The following FRAS1 variants were observed in gnomAD, a reference collection of about 807,000 sequenced individuals.
The protein encoded by FRAS1 is Fraser extracellular matrix complex subunit 1.
FRAS1 carries 290 observed loss-of-function variants against 435.2 expected under a neutral mutation model. The ratio of observed to expected loss-of-function variants is 0.67; its 90% CI spans 0.61 to 0.73. The LOEUF (loss-of-function observed/expected upper bound fraction) is 0.73, where lower values mean the gene tolerates loss of function less well. Among genes scored for constraint, FRAS1 ranks in the 30% least tolerant of loss-of-function variants. FRAS1 has a pLI of 0.00. For synonymous variants in FRAS1, 1,800 were observed against 1,851.0 expected, an observed-to-expected ratio of 0.97 and a Z score of 0.71; for missense variants, 4,860 against 5,001.5, an observed-to-expected ratio of 0.97 and a Z score of 0.85.
intron 20 of FRAS1, among the ~76,000 whole-genome samples, chr4:78,359,183 C>T (rs1730977551): frequency 6.7e-6 from 1 of 149,924 alleles, no homozygotes; most frequent in Non-Finnish European, 1.5e-5. Flanking sequence ...TCACAGCATC[C>T]CCGGGCTTGT....
At chr4:78,167,297 G>A (rs1490247962) in intron 2 of FRAS1, among the ~76,000 whole-genome samples, 1 of 152,094 alleles carries the variant, frequency 6.6e-6, no homozygotes, top group African/African-American at 2.4e-5. Flanking sequence ...ACTTCTGGGA[G>A]CTCACAGTCT....
intron 1 of FRAS1, among the ~76,000 whole-genome samples, chr4:78,062,077 C>T (rs1048790542): frequency 6.6e-6 from 1 of 152,126 alleles, no homozygotes; most frequent in Non-Finnish European, 1.5e-5. Context: ...AGTGTACATC[C>T]TTTAGTAAGG....
chr4:78,345,036 C>T (rs1730554087), intron 20 of FRAS1, among the ~76,000 whole-genome samples: 2 of 151,970 alleles, frequency 1.3e-5, no homozygotes, highest in Admixed American at 6.5e-5. Context: ...AGTCATATTC[C>T]GTTGTGTTTG....
chr4:78,413,582 G>A (rs1733437923), intron 32 of FRAS1, among the ~76,000 whole-genome samples: 1 of 152,198 alleles, frequency 6.6e-6, no homozygotes, highest in Admixed American at 6.5e-5. Context: ...GGACACATTG[G>A]GAGGAATGGA....
intron 1 of FRAS1, among the ~76,000 whole-genome samples, chr4:78,060,103 G>A (rs1299630543): frequency 6.6e-6 from 1 of 152,078 alleles, no homozygotes; most frequent in Non-Finnish European, 1.5e-5. Context: ...CATTTATTGA[G>A]CAGGTATTGT....
chr4:78,500,311 T>C (rs1042658591), intron 61 of FRAS1, among the ~76,000 whole-genome samples: 2 of 152,198 alleles, frequency 1.3e-5, no homozygotes, highest in Non-Finnish European at 2.9e-5. Context: ...ACAATCCCTG[T>C]GTTCAAGTGG....
At chr4:78,189,937 C>A (rs1182701978) in intron 2 of FRAS1, among the ~76,000 whole-genome samples, 2 of 152,176 alleles carry the variant, frequency 1.3e-5, no homozygotes, top group Admixed American at 1.3e-4. Context: ...TAAAGTAGAC[C>A]CTCAAACCTA....
chr4:78,263,537 A>G (rs1046589972), intron 6 of FRAS1, among the ~76,000 whole-genome samples: 12 of 152,150 alleles, frequency 7.9e-5, no homozygotes, highest in Admixed American at 6.5e-5. Context: ...TGATTTTGAC[A>G]TTTGTTTCCT....
At chr4:78,248,577 G>C (rs752974247) in intron 4 of FRAS1, among the ~76,000 whole-genome samples, 2 of 152,172 alleles carry the variant, frequency 1.3e-5, no homozygotes, top group Non-Finnish European at 2.9e-5. Flanking sequence ...TAATTTATGT[G>C]TATGAGGCAA....
At position 78,323,928 on chromosome 4, in the gene FRAS1, T is replaced by C. The variant is rs558803026; in HGVS notation, c.2137+4942T>C. Among the ~76,000 whole-genome samples the C allele has an allele frequency of 2.3e-3, 346 of 152,284 alleles. 1 individual carries two copies. Among genetic ancestry groups the C allele is most frequent in the Non-Finnish European group, 4.3e-3 (290 of 68,020 alleles). On this transcript the variant is annotated intron_variant, in intron 18 of 73. Coordinates refer to ENST00000512123, the MANE Select transcript of FRAS1 (RefSeq NM_025074.7). ...AACAGAATTTCTCATAGGACTCTCC[T>C]GGGAATCTTGTTAAAGATTCAGTCG...
chr4:78,236,300 A>ATTT (rs910484562), intron 2 of FRAS1, among the ~76,000 whole-genome samples: 1 of 145,158 alleles, frequency 6.9e-6, no homozygotes, highest in East Asian at 2.1e-4. Context: ...TTATTTATTT[A>ATTT]TTTATTTATT....
At chr4:78,294,284 C>T (rs552787920) in intron 14 of FRAS1, among the ~76,000 whole-genome samples, 1 of 152,178 alleles carries the variant, frequency 6.6e-6, no homozygotes, top group Non-Finnish European at 1.5e-5. Context: ...TGCGGTCCCG[C>T]CTTTGGCTCT....
intron 2 of FRAS1, among the ~76,000 whole-genome samples, chr4:78,093,967 C>T (rs1006348146): frequency 6.6e-6 from 1 of 152,014 alleles, no homozygotes; most frequent in Non-Finnish European, 1.5e-5. Flanking sequence ...TGAAGCTCAC[C>T]CCCCTCCCCT....
intron 4 of FRAS1, 139 bp from the exon 5 acceptor site, chr4:78,252,253 T>A: frequency 2.6e-6 from 2 of 763,892 alleles, no homozygotes; most frequent in Non-Finnish European, 4.0e-6. Flanking sequence ...CTCTCAACCT[T>A]GCAAGCTCAT....
At chr4:78,332,160 G>C (rs368272033) in intron 18 of FRAS1, among the ~76,000 whole-genome samples, 224 of 152,272 alleles carry the variant, frequency 1.5e-3, no homozygotes, top group African/African-American at 5.2e-3. Flanking sequence ...AAGAATAGTA[G>C]CCTGGAGTGT....
At chr4:78,132,479 T>C (rs913107606) in intron 2 of FRAS1, among the ~76,000 whole-genome samples, 2 of 152,204 alleles carry the variant, frequency 1.3e-5, no homozygotes, top group Non-Finnish European at 2.9e-5. Context: ...ACAAAATGAA[T>C]GCATGAATGA....
At chr4:78,254,126 A>G (rs1725680084) in intron 5 of FRAS1, among the ~76,000 whole-genome samples, 1 of 152,084 alleles carries the variant, frequency 6.6e-6, no homozygotes, top group Admixed American at 6.5e-5. Flanking sequence ...CCCTCTCCTC[A>G]GAATCCACGC....
intron 58 of FRAS1, 106 bp from the exon 59 acceptor site, chr4:78,488,769 G>T (rs1367934930): frequency 6.1e-6 from 6 of 986,078 alleles, no homozygotes; most frequent in Admixed American, 2.3e-5. Context: ...TTGGGCTTTG[G>T]TGGAGCTCAC....
At chr4:78,099,151 G>T (rs749365704) in intron 2 of FRAS1, among the ~76,000 whole-genome samples, 1 of 152,176 alleles carries the variant, frequency 6.6e-6, no homozygotes, top group Admixed American at 6.5e-5. Context: ...AGGAGAGGGG[G>T]GGCCATGGGG....
Sources: gnomAD v4.1 joint callset for allele counts (sites outside exome capture counted in the v4.1 genomes callset) on GRCh38, gnomAD v4.1.1 for gene constraint, MANE v1.5 for transcripts, NCBI Gene and HGNC (gene_info 2026-07-23, HGNC 2026-07-21) for gene names.